The following CDIN1 variants were observed in gnomAD, a reference collection of about 807,000 sequenced individuals.
CDIN1 encodes CDAN1-interacting nuclease 1.
Under a neutral mutation model 45.3 loss-of-function variants are expected in CDIN1, and 33 were observed. The observed-to-expected ratio is 0.73, with a 90% CI of 0.55 to 0.97. CDIN1 has a LOEUF of 0.97. Ranked by LOEUF, CDIN1 falls within the 50% of genes least tolerant of loss-of-function variation. The pLI is 0.00. For synonymous variants in CDIN1, 118 were observed against 124.4 expected (o/e 0.95, Z 0.34); for missense variants, 303 against 339.4 (o/e 0.89, Z 0.84).
At chr15:36,663,876 C>T (rs910891019) in intron 5 of CDIN1, among the ~76,000 whole-genome samples, 2 of 152,118 alleles carry the variant, frequency 1.3e-5, no homozygotes, top group African/African-American at 4.8e-5. Flanking sequence ...GTGTTGTTGA[C>T]CGCAGTTAAG....
At position 36,654,082 on chromosome 15, in the gene CDIN1, G is replaced by A. The variant is rs779100938; in HGVS notation, c.213-16G>A. The A allele has an allele frequency of 1.9e-6, 3 of 1,567,504 alleles. No individual in the cohort carries two copies. Among genetic ancestry groups the A allele is most frequent in the Non-Finnish European group, 2.6e-6 (3 of 1,153,360 alleles). ...TTTCTTGTCACTGCATTACCACTTG[G>A]CTTTGTCTTGTCTAGGTACCTGAAT... is the stretch of plus-strand genomic sequence containing the variant. On this transcript the variant is annotated splice_polypyrimidine_tract_variant and intron_variant, in intron 3 of 10. Coordinates refer to ENST00000566621, the MANE Select transcript of CDIN1 (RefSeq NM_001321759.2).
intron 1 of CDIN1, among the ~76,000 whole-genome samples, chr15:36,621,489 T>G (rs2039187435): frequency 6.6e-6 from 1 of 152,214 alleles, no homozygotes; most frequent in African/African-American, 2.4e-5. Context: ...AACTATTCAT[T>G]TCTATACACT....
chr15:36,701,880 A>T (rs2042658646), intron 8 of CDIN1: 1 of 580,634 alleles, frequency 1.7e-6, no homozygotes, highest in African/African-American at 1.9e-5. Context: ...TTAGTGAAGG[A>T]TGTCCCTTGT....
intron 4 of CDIN1, among the ~76,000 whole-genome samples, chr15:36,656,940 C>T (rs1027290434): frequency 2.6e-5 from 4 of 152,018 alleles, no homozygotes; most frequent in African/African-American, 7.2e-5. Context: ...CTGTCTTCCA[C>T]CTAAGATAAA....
chr15:36,746,413 C>A (rs1175558428), intron 10 of CDIN1, among the ~76,000 whole-genome samples: 1 of 152,112 alleles, frequency 6.6e-6, no homozygotes, highest in East Asian at 1.9e-4. Context: ...GTATTGTCCT[C>A]TTCTGTTAAA....
At chr15:36,706,085 A>C (rs1002377977) in intron 8 of CDIN1, 1 of 152,212 alleles carries the variant, frequency 6.6e-6, no homozygotes, top group African/African-American at 2.4e-5. Context: ...AATTCAAAGA[A>C]TCATAAGTAA....
intron 10 of CDIN1, among the ~76,000 whole-genome samples, chr15:36,722,581 T>G (rs1215862870): frequency 6.6e-6 from 1 of 152,192 alleles, no homozygotes; most frequent in Non-Finnish European, 1.5e-5. Flanking sequence ...CAGAGCCCTG[T>G]TCACAGCAGC....
chr15:36,775,410 G>A lies in CDIN1; in HGVS notation c.717-32914G>A, dbSNP rs1435738614. ...TCCCCGGCTGTTAACCAGAATTCTC[G>A]GCTGGCACGGACAAGGTCTCCAGGA... On this transcript the variant is annotated intron_variant, in intron 10 of 10. Transcript: ENST00000566621. 3.9e-5 allele frequency among the ~76,000 whole-genome samples: 6 copies of A among 152,232 alleles called. No individual in the cohort carries two copies. The East Asian group carries it at 9.7e-4, about 25-fold the overall frequency.
intron 5 of CDIN1, among the ~76,000 whole-genome samples, chr15:36,686,773 G>GCAGAGGGA (rs1555394537): frequency 6.9e-6 from 1 of 144,996 alleles, no homozygotes; most frequent in Non-Finnish European, 1.5e-5. Context: ...GGGATGGAGG[G>GCAGAGGGA]CAGAGGGACA....
intron 9 of CDIN1, 133 bp downstream of exon 9, chr15:36,709,421 G>A (rs2042978636): frequency 3.7e-6 from 2 of 541,074 alleles, no homozygotes; most frequent in Admixed American, 3.8e-5. Flanking sequence ...TTAAACAGCA[G>A]AAAATAATAG....
chr15:36,731,991 C>T (rs917889305), intron 10 of CDIN1, among the ~76,000 whole-genome samples: 2 of 152,106 alleles, frequency 1.3e-5, no homozygotes, highest in Admixed American at 6.6e-5. Flanking sequence ...AACTTCGTTA[C>T]GTCACAGTAG....
intron 5 of CDIN1, among the ~76,000 whole-genome samples, chr15:36,688,384 T>C (rs899727988): frequency 6.6e-6 from 1 of 152,184 alleles, no homozygotes; most frequent in Non-Finnish European, 1.5e-5. Context: ...TAAAAATACT[T>C]CACAACAAAA....
At chr15:36,591,408 T>C (rs893914692) in intron 1 of CDIN1, among the ~76,000 whole-genome samples, 9 of 152,206 alleles carry the variant, frequency 5.9e-5, no homozygotes, top group African/African-American at 2.2e-4. Flanking sequence ...ACTGGGAATA[T>C]GAGGCAGACT....
chr15:36,678,204 A>T (rs1352553746), intron 5 of CDIN1, among the ~76,000 whole-genome samples: 3 of 152,186 alleles, frequency 2.0e-5, no homozygotes, highest in Non-Finnish European at 1.5e-5. Flanking sequence ...CCAGTGGGCT[A>T]GTGCTTAGAA....
chr15:36,616,431 A>C (rs932514830), intron 1 of CDIN1, among the ~76,000 whole-genome samples: 1 of 151,884 alleles, frequency 6.6e-6, no homozygotes, highest in African/African-American at 2.4e-5. Context: ...TACAAGCATG[A>C]GCCACTACAC....
chr15:36,639,454 A>G (rs1035797086), intron 1 of CDIN1, among the ~76,000 whole-genome samples: 1 of 152,094 alleles, frequency 6.6e-6, no homozygotes, highest in Admixed American at 6.5e-5. Flanking sequence ...AAAATACAAA[A>G]ATTAGCCGGG....
At chr15:36,695,653 C>A (rs920917755) in intron 7 of CDIN1, among the ~76,000 whole-genome samples, 1 of 152,064 alleles carries the variant, frequency 6.6e-6, no homozygotes, top group Non-Finnish European at 1.5e-5. Flanking sequence ...TTGAGACCAG[C>A]GTGGCCTACA....
At chr15:36,643,330 A>G (rs529182864) in intron 1 of CDIN1, among the ~76,000 whole-genome samples, 2 of 152,332 alleles carry the variant, frequency 1.3e-5, no homozygotes, top group South Asian at 4.1e-4. Context: ...ACATTCCCCA[A>G]ATTACCTGTG....
chr15:36,628,837 C>T (rs972504366), intron 1 of CDIN1, among the ~76,000 whole-genome samples: 2 of 152,100 alleles, frequency 1.3e-5, no homozygotes, highest in African/African-American at 4.8e-5. Context: ...ACTTAAGGAT[C>T]TTGAGATGGA....
Sources: gnomAD v4.1 joint callset for allele counts (sites outside exome capture counted in the v4.1 genomes callset) on GRCh38, gnomAD v4.1.1 for gene constraint, MANE v1.5 for transcripts, NCBI Gene and HGNC (gene_info 2026-07-23, HGNC 2026-07-21) for gene names.